Variants in FOXP2 observed in about 807,000 individuals in gnomAD.
The protein encoded by FOXP2 is forkhead box protein P2.
In FOXP2, 12 loss-of-function variants were observed where a neutral mutation model predicts 115.8. That is an observed-to-expected ratio of 0.10 (90% confidence interval 0.07 to 0.17). The LOEUF is 0.17. FOXP2 is among the 10% of genes least tolerant of loss of function. The pLI, the probability that FOXP2 is intolerant of heterozygous loss-of-function variation, is 1.00. For synonymous variants in FOXP2, 328 were observed against 297.7 expected (o/e 1.10, Z -1.05); for missense variants, 629 against 843.5 (o/e 0.75, Z 3.15).
chr7:114,690,811 G>A lies in FOXP2; in HGVS notation c.*885G>A, dbSNP rs2129354884. ...CAGAAGCAGCCACATGCTTTGGTCA[G>A]CCTTCTGTAACTTCAATTAGTACAA... is the stretch of plus-strand genomic sequence containing the variant. On this transcript the variant is annotated 3_prime_UTR_variant, in exon 17 of 17. Coordinates refer to ENST00000350908, the MANE Select transcript of FOXP2 (RefSeq NM_014491.4). The A allele has an allele frequency of 2.2e-6, 1 of 454,520 alleles. No homozygotes were observed. Among genetic ancestry groups the A allele is most frequent in the South Asian group, 1.6e-5 (1 of 64,478 alleles). 28.2% of individuals were successfully genotyped at this position (454,520 alleles called of 1,614,324 possible).
intron 3 of FOXP2, among the ~76,000 whole-genome samples, chr7:114,556,476 CT>C (rs1173667474): frequency 1.3e-5 from 2 of 152,150 alleles, no homozygotes; most frequent in Admixed American, 6.6e-5. Context: ...TTGCTCCCCC[CT>C]AAGGAGTAAA....
intron 7 of FOXP2, among the ~76,000 whole-genome samples, chr7:114,643,350 T>C (rs1805689418): frequency 6.6e-6 from 1 of 152,138 alleles, no homozygotes; most frequent in Non-Finnish European, 1.5e-5. Flanking sequence ...TTCAAACATA[T>C]GAATTAGAAA....
chr7:114,466,918 A>G (rs551534681), intron 2 of FOXP2, among the ~76,000 whole-genome samples: 3 of 152,318 alleles, frequency 2.0e-5, no homozygotes, highest in South Asian at 4.1e-4. Flanking sequence ...TGTAAATATA[A>G]CACCTGTGTG....
upstream of FOXP2, among the ~76,000 whole-genome samples, chr7:114,158,619 A>G (rs1414960680): frequency 6.6e-6 from 1 of 152,028 alleles, no homozygotes; most frequent in Non-Finnish European, 1.5e-5. Flanking sequence ...TTTTGTCTTT[A>G]GGTATTTTAT....
intron 3 of FOXP2, among the ~76,000 whole-genome samples, chr7:114,611,330 G>A (rs1803617401): frequency 6.6e-6 from 1 of 152,150 alleles, no homozygotes; most frequent in African/African-American, 2.4e-5. Flanking sequence ...CTGGTATGTT[G>A]AAAAAGCTGT....
chr7:114,204,154 A>G (rs1794144258), intron 1 of FOXP2, among the ~76,000 whole-genome samples: 1 of 152,172 alleles, frequency 6.6e-6, no homozygotes, highest in Non-Finnish European at 1.5e-5. Context: ...CACAGGTGTA[A>G]TTTTAAAATT....
At chr7:114,182,843 A>G (rs975994137) in intron 1 of FOXP2, among the ~76,000 whole-genome samples, 7 of 152,234 alleles carry the variant, frequency 4.6e-5, no homozygotes, top group Admixed American at 2.0e-4. Context: ...TTGTATATTT[A>G]TACATAATGT....
At chr7:114,457,208 T>C (rs1795347344) in intron 2 of FOXP2, among the ~76,000 whole-genome samples, 1 of 152,184 alleles carries the variant, frequency 6.6e-6, no homozygotes, top group Non-Finnish European at 1.5e-5. Context: ...ATGGATATGT[T>C]TATTTGTTTG....
chr7:114,386,797 C>G (rs565998081), intron 2 of FOXP2, among the ~76,000 whole-genome samples: 2 of 152,148 alleles, frequency 1.3e-5, no homozygotes, highest in African/African-American at 4.8e-5. Context: ...GCATATCTTG[C>G]TATTGTAATT....
intron 2 of FOXP2, among the ~76,000 whole-genome samples, chr7:114,388,007 A>G (rs1792496333): frequency 6.6e-6 from 1 of 152,184 alleles, no homozygotes; most frequent in Non-Finnish European, 1.5e-5. Flanking sequence ...AGTTCCCAAT[A>G]TTATATCCTC....
chr7:114,659,104 G>A (rs1806741124), intron 11 of FOXP2, among the ~76,000 whole-genome samples: 1 of 152,056 alleles, frequency 6.6e-6, no homozygotes, highest in Admixed American at 6.6e-5. Flanking sequence ...CCTGGCTATT[G>A]GAAAAAAATC....
intron 2 of FOXP2, among the ~76,000 whole-genome samples, chr7:114,472,208 T>A (rs572063304): frequency 6.6e-6 from 1 of 152,146 alleles, no homozygotes; most frequent in African/African-American, 2.4e-5. Context: ...CTTGAACTTT[T>A]AAAGTTAAAA....
chr7:114,446,921 GT>G (rs1195465931), intron 2 of FOXP2, among the ~76,000 whole-genome samples: 2 of 150,768 alleles, frequency 1.3e-5, no homozygotes, highest in African/African-American at 2.4e-5. Context: ...GCTAATTTTT[GT>G]TTTTTTTAGT....
At chr7:114,482,980 A>T (rs1796623143) in intron 2 of FOXP2, among the ~76,000 whole-genome samples, 1 of 151,678 alleles carries the variant, frequency 6.6e-6, no homozygotes, top group Non-Finnish European at 1.5e-5. Context: ...ATACTGTGTT[A>T]TACAAGGTTT....
intron 2 of FOXP2, among the ~76,000 whole-genome samples, chr7:114,452,207 G>A (rs904036640): frequency 7.3e-5 from 11 of 151,698 alleles, no homozygotes; most frequent in African/African-American, 2.4e-4. Flanking sequence ...CCTTAAATGC[G>A]ATATTAACAA....
intron 3 of FOXP2, among the ~76,000 whole-genome samples, chr7:114,614,668 A>G (rs919745369): frequency 3.9e-5 from 6 of 152,140 alleles, no homozygotes; most frequent in Non-Finnish European, 4.4e-5. Flanking sequence ...ATGCTAACAT[A>G]CGGAGCAAAG....
intron 1 of FOXP2, among the ~76,000 whole-genome samples, chr7:114,249,372 T>TC (rs1319091977): frequency 2.0e-5 from 3 of 151,894 alleles, no homozygotes; most frequent in Admixed American, 2.0e-4. Flanking sequence ...TCCCCCCCGT[T>TC]CCCCCCAGTA....
intron 5 of FOXP2, chr7:114,630,953 C>T (rs1430025108): frequency 6.5e-6 from 1 of 154,590 alleles, no homozygotes; most frequent in Non-Finnish European, 1.4e-5. Flanking sequence ...TAATGCCTCA[C>T]AAAATTGGAA....
chr7:114,378,048 C>T (rs1357698849), intron 2 of FOXP2, among the ~76,000 whole-genome samples: 2 of 152,144 alleles, frequency 1.3e-5, no homozygotes. Context: ...GGAAGCCCTC[C>T]CTGACCTTCC....
Sources: gnomAD v4.1 joint callset for allele counts (sites outside exome capture counted in the v4.1 genomes callset) on GRCh38, gnomAD v4.1.1 for gene constraint, MANE v1.5 for transcripts, NCBI Gene and HGNC (gene_info 2026-07-23, HGNC 2026-07-21) for gene names.